DCC: variants seen among roughly 807,000 people sequenced by gnomAD.
DCC encodes the protein DCC netrin 1 receptor.
A neutral mutation model predicts 172.5 loss-of-function variants in DCC; 58 were observed. That is an observed-to-expected ratio of 0.34 (90% confidence interval 0.27 to 0.42). The LOEUF (loss-of-function observed/expected upper bound fraction) is 0.42. DCC is among the 10% of genes least tolerant of loss of function. DCC has a pLI of 1.00. For synonymous variants in DCC, 709 were observed against 644.5 expected (o/e 1.10, Z -1.52); for missense variants, 1,740 against 1,791.0 (o/e 0.97, Z 0.51).
intron 2 of DCC, among the ~76,000 whole-genome samples, chr18:52,867,292 T>C (rs1470722498): frequency 1.3e-5 from 2 of 152,232 alleles, no homozygotes; most frequent in Non-Finnish European, 2.9e-5. Context: ...AGTATTTTAT[T>C]GAGGATTTTC....
chr18:52,799,919 G>C (rs1279485217), intron 2 of DCC, among the ~76,000 whole-genome samples: 1 of 152,106 alleles, frequency 6.6e-6, no homozygotes, highest in Admixed American at 6.6e-5. Flanking sequence ...TTGTTCTTCA[G>C]TTACATCATT....
intron 7 of DCC, among the ~76,000 whole-genome samples, chr18:53,092,593 A>G (rs1018322908): frequency 2.0e-5 from 3 of 152,212 alleles, no homozygotes; most frequent in Non-Finnish European, 2.9e-5. Flanking sequence ...AACTGAATCT[A>G]TGACTGTTCT....
At chr18:53,526,806 T>A in intron 28 of DCC, 47 bp downstream of exon 28, 12 of 1,608,558 alleles carry the variant, frequency 7.5e-6, no homozygotes, top group Non-Finnish European at 1.0e-5. Flanking sequence ...ACAGATTGAC[T>A]GGCGCTGTGT....
chr18:52,825,338 C>T (rs915685160), intron 2 of DCC, among the ~76,000 whole-genome samples: 4 of 152,090 alleles, frequency 2.6e-5, no homozygotes, highest in Non-Finnish European at 5.9e-5. Context: ...ATATGCATAT[C>T]ATACCTTGGT....
chr18:52,834,970 A>T (rs890588423), intron 2 of DCC, among the ~76,000 whole-genome samples: 1 of 152,144 alleles, frequency 6.6e-6, no homozygotes, highest in Non-Finnish European at 1.5e-5. Flanking sequence ...TTACTGCTCG[A>T]TATTAAACTA....
rs140559796 is a variant in DCC, at chr18:52,987,564, A to G, written c.985+62194A>G. ...CCATGATTAATCTTCATCTATTTCT[A>G]TATAGGTTATCTCATTATATCACCA... On this transcript the variant is annotated intron_variant, in intron 5 of 28. Transcript: ENST00000442544. Among the ~76,000 whole-genome samples the G allele has an allele frequency of 5.3e-5, 8 of 152,292 alleles. No individual in the cohort carries two copies. In the East Asian group the frequency reaches 1.5e-3, roughly 29 times the overall value.
At chr18:53,367,608 C>T (rs908398102) in intron 15 of DCC, among the ~76,000 whole-genome samples, 1 of 152,086 alleles carries the variant, frequency 6.6e-6, no homozygotes. Flanking sequence ...AGCCATCGAA[C>T]CGTACATCTC....
chr18:52,661,981 T>C (rs1263146857), intron 1 of DCC, among the ~76,000 whole-genome samples: 1 of 152,110 alleles, frequency 6.6e-6, no homozygotes, highest in African/African-American at 2.4e-5. Context: ...AAAAACACAG[T>C]AGAATGATTG....
chr18:52,870,910 T>C (rs533046239), intron 2 of DCC, among the ~76,000 whole-genome samples: 35 of 152,220 alleles, frequency 2.3e-4, no homozygotes, highest in Admixed American at 7.8e-4. Context: ...CGCTCTTTAC[T>C]GCAATGCCAC....
intron 25 of DCC, among the ~76,000 whole-genome samples, chr18:53,484,944 A>C (rs2045883970): frequency 6.6e-6 from 1 of 152,066 alleles, no homozygotes; most frequent in South Asian, 2.1e-4. Context: ...ATATAAGCTC[A>C]AATACACAGA....
chr18:52,798,805 T>A (rs1018547728), intron 2 of DCC, among the ~76,000 whole-genome samples: 6 of 151,600 alleles, frequency 4.0e-5, no homozygotes, highest in African/African-American at 1.5e-4. Context: ...CAGGCTGGAG[T>A]TCAATGGTGG....
At chr18:52,601,888 T>C (rs1363829407) in intron 1 of DCC, among the ~76,000 whole-genome samples, 2 of 152,064 alleles carry the variant, frequency 1.3e-5, no homozygotes, top group Admixed American at 6.6e-5. Context: ...TGGGCACATT[T>C]TTCTGTAATT....
chr18:52,759,022 T>C (rs2037118224), intron 2 of DCC: 1 of 152,210 alleles, frequency 6.6e-6, no homozygotes, highest in East Asian at 1.9e-4. Context: ...TTTAGCTAAA[T>C]GTTCCCATTG....
At chr18:52,928,087 A>C (rs1291631950) in intron 5 of DCC, among the ~76,000 whole-genome samples, 4 of 152,170 alleles carry the variant, frequency 2.6e-5, no homozygotes, top group African/African-American at 9.7e-5. Flanking sequence ...ATGCAGCCAG[A>C]TAAATAACAA....
intron 21 of DCC, among the ~76,000 whole-genome samples, chr18:53,428,219 TA>T (rs1361104023): frequency 3.3e-5 from 1 of 30,512 alleles, no homozygotes; most frequent in East Asian, 6.5e-4. Context: ...TAAGTATATA[TA>T]ATTATAATTA....
At chr18:52,792,188 T>TG (rs35146693) in intron 2 of DCC, among the ~76,000 whole-genome samples, 6,280 of 151,538 alleles carry the variant, frequency 0.041, 170 homozygotes, top group Admixed American at 0.051. Flanking sequence ...ATGCTCACTG[T>TG]GGGGGGTGCG....
intron 1 of DCC, among the ~76,000 whole-genome samples, chr18:52,516,337 G>A (rs1286485935): frequency 6.6e-6 from 1 of 152,176 alleles, no homozygotes; most frequent in Non-Finnish European, 1.5e-5. Context: ...TAGGCTATGT[G>A]TTGTTCAGCA....
intron 5 of DCC, among the ~76,000 whole-genome samples, chr18:52,980,430 TATAGTC>T (rs920413922): frequency 6.6e-6 from 1 of 152,090 alleles, no homozygotes; most frequent in African/African-American, 2.4e-5. Context: ...TCTAGACAGT[TATAGTC>T]AGGTCTAATG....
chr18:52,568,444 G>GA (rs2033215136), intron 1 of DCC, among the ~76,000 whole-genome samples: 1 of 151,890 alleles, frequency 6.6e-6, no homozygotes, highest in Non-Finnish European at 1.5e-5. Context: ...AGATAAAAAT[G>GA]AAAAAATGGT....
Sources: gnomAD v4.1 joint callset for allele counts (sites outside exome capture counted in the v4.1 genomes callset) on GRCh38, gnomAD v4.1.1 for gene constraint, MANE v1.5 for transcripts, NCBI Gene and HGNC (gene_info 2026-07-23, HGNC 2026-07-21) for gene names.